Variants in KCNK2 observed in about 807,000 individuals in gnomAD.
The protein encoded by KCNK2 is potassium channel subfamily K member 2.
KCNK2 carries 21 observed loss-of-function variants against 40.5 expected under a neutral mutation model. The ratio of observed to expected loss-of-function variants is 0.52; its 90% confidence interval spans 0.37 to 0.75. The LOEUF (loss-of-function observed/expected upper bound fraction) is 0.75. Ranked by LOEUF, KCNK2 falls within the 30% of genes least tolerant of loss-of-function variation. KCNK2 has a pLI of 0.00. For missense variants in KCNK2, 399 were observed against 531.6 expected, an observed-to-expected ratio of 0.75 and a Z score of 2.45; for synonymous variants, 191 against 202.2, an observed-to-expected ratio of 0.94 and a Z score of 0.47.
intron 6 of KCNK2, among the ~76,000 whole-genome samples, chr1:215,223,417 T>A (rs1314119180): frequency 6.6e-6 from 1 of 152,036 alleles, no homozygotes; most frequent in East Asian, 1.9e-4. Context: ...TTATAGTCAG[T>A]TGAAGATTGC....
chr1:215,141,189 G>A (rs180897583), intron 3 of KCNK2, among the ~76,000 whole-genome samples: 40 of 151,870 alleles, frequency 2.6e-4, no homozygotes, highest in Middle Eastern at 3.4e-3. Flanking sequence ...TATCTATTAC[G>A]GTTAACGTTT....
intron 1 of KCNK2, among the ~76,000 whole-genome samples, chr1:215,069,655 C>A (rs926346208): frequency 7.4e-6 from 1 of 134,262 alleles, no homozygotes; most frequent in East Asian, 2.3e-4. Context: ...GTCTCATTAA[C>A]AAGTTGGGGT....
intron 1 of KCNK2, among the ~76,000 whole-genome samples, chr1:215,007,317 G>GT (rs1255182498): frequency 2.1e-5 from 3 of 145,034 alleles, no homozygotes; most frequent in Non-Finnish European, 4.5e-5. Flanking sequence ...CTTTGCTGAG[G>GT]GTTGATGGGT....
chr1:215,016,422 A>C (rs773469348), intron 1 of KCNK2, among the ~76,000 whole-genome samples: 6 of 152,178 alleles, frequency 3.9e-5, no homozygotes, highest in Non-Finnish European at 5.9e-5. Flanking sequence ...ACACCAATGG[A>C]ACAGAATAGA....
chr1:215,171,482 GACAGAAAAAA>G (rs1212689514), intron 4 of KCNK2, among the ~76,000 whole-genome samples: 5 of 151,982 alleles, frequency 3.3e-5, no homozygotes, highest in Non-Finnish European at 5.9e-5. Context: ...TGATGGAAGT[GACAGAAAAAA>G]ACTTTATGAA....
chr1:215,062,744 AG>A (rs1443243185), intron 1 of KCNK2, among the ~76,000 whole-genome samples: 8 of 151,926 alleles, frequency 5.3e-5, no homozygotes, highest in Admixed American at 2.6e-4. Flanking sequence ...TTTAAATTAA[AG>A]GCCTGCTTTT....
At position 215,161,101 on chromosome 1, in the gene KCNK2, G is replaced by A. The variant is rs370229715; in HGVS notation, c.476-8098G>A. 5.7e-4 allele frequency among the ~76,000 whole-genome samples: 87 copies of A among 152,118 alleles called. No individual in the cohort carries two copies. In the South Asian group the frequency reaches 0.017, roughly 31 times the overall value. ...TATAAACATCTTCCTCTTTATAGCC[G>A]GAATAAACATGTAATAGGATCCATC... is the stretch of plus-strand genomic sequence containing the variant. On this transcript the variant is annotated intron_variant, in intron 3 of 6. Transcript: ENST00000444842.
At chr1:215,220,993 T>C (rs1336590381) in intron 6 of KCNK2, among the ~76,000 whole-genome samples, 3 of 152,158 alleles carry the variant, frequency 2.0e-5, no homozygotes, top group Non-Finnish European at 4.4e-5. Flanking sequence ...AAATAACAAT[T>C]TACCCTTGAA....
chr1:215,026,427 T>A (rs1657002871), intron 1 of KCNK2, among the ~76,000 whole-genome samples: 1 of 152,044 alleles, frequency 6.6e-6, no homozygotes, highest in Admixed American at 6.6e-5. Flanking sequence ...ATCCATTGAT[T>A]TTTTTGTAAA....
intron 1 of KCNK2, among the ~76,000 whole-genome samples, chr1:215,054,900 A>G (rs61818272): frequency 6.6e-6 from 1 of 152,182 alleles, no homozygotes; most frequent in Non-Finnish European, 1.5e-5. Context: ...ACCAAATACT[A>G]TGAATGTTCA....
rs187296416 is a variant in KCNK2, at chr1:215,046,587, G to T, written c.35-39781G>T. Among the ~76,000 whole-genome samples, 91 of 152,046 alleles carry T rather than the reference G, an allele frequency of 6.0e-4. 2 individuals carry two copies. The East Asian group carries it at 0.014, about 23-fold the overall frequency. On this transcript the variant is annotated intron_variant, in intron 1 of 6. Transcript: ENST00000391895. ...CTGTTGTTAGAATAAACAGGTACAG[G>T]TTTTTTTGGATTATCACCATATTCA...
At chr1:215,209,972 T>TATATATTATATATAATATATA (rs1665637338) in intron 6 of KCNK2, among the ~76,000 whole-genome samples, 1 of 60,660 alleles carries the variant, frequency 1.6e-5, no homozygotes, top group African/African-American at 6.9e-5. Context: ...TTATATATAT[T>TATATATTATATATAATATATA]ATATATATTA....
At chr1:215,176,613 T>C (rs1663986851) in intron 5 of KCNK2, among the ~76,000 whole-genome samples, 1 of 152,184 alleles carries the variant, frequency 6.6e-6, no homozygotes, top group Non-Finnish European at 1.5e-5. Context: ...CTTGTGTTAG[T>C]TTGCTGAGGA....
chr1:215,198,550 A>G (rs1664960158), intron 6 of KCNK2, among the ~76,000 whole-genome samples: 3 of 152,184 alleles, frequency 2.0e-5, no homozygotes, highest in Admixed American at 2.0e-4. Flanking sequence ...ATAACTCACT[A>G]AAGGGTATAA....
upstream of KCNK2, among the ~76,000 whole-genome samples, chr1:215,081,165 ATGTGTGTGTGTGTG>A (rs34229936): frequency 2.4e-3 from 363 of 149,376 alleles, 3 homozygotes; most frequent in African/African-American, 8.4e-3. Context: ...GTACACGCAA[ATGTGTGTGTGTGTG>A]TGTGTGTGTG....
intron 2 of KCNK2, among the ~76,000 whole-genome samples, chr1:215,115,889 C>A (rs1011752172): frequency 6.6e-6 from 1 of 151,680 alleles, no homozygotes; most frequent in African/African-American, 2.4e-5. Flanking sequence ...AGGGAAATGC[C>A]GCTTCAGTGT....
chr1:215,177,359 T>G (rs1664020132), intron 5 of KCNK2, among the ~76,000 whole-genome samples: 1 of 152,146 alleles, frequency 6.6e-6, no homozygotes. Flanking sequence ...TTTAGTTTAA[T>G]TAGGTCCTAT....
chr1:215,174,110 C>T (rs1663845831), intron 5 of KCNK2, among the ~76,000 whole-genome samples: 1 of 152,052 alleles, frequency 6.6e-6, no homozygotes, highest in Non-Finnish European at 1.5e-5. Context: ...TTAGGTCTAA[C>T]ATTTAAGTCT....
intron 1 of KCNK2, among the ~76,000 whole-genome samples, chr1:215,044,133 G>T (rs1376571781): frequency 6.6e-6 from 1 of 152,098 alleles, no homozygotes; most frequent in Non-Finnish European, 1.5e-5. Flanking sequence ...ATAAATTAAT[G>T]AATATGGAAA....
Sources: allele counts gnomAD v4.1 joint callset (sites outside exome capture counted in the v4.1 genomes callset), GRCh38; gene constraint gnomAD v4.1.1; transcripts MANE v1.5; gene names NCBI Gene and HGNC (gene_info 2026-07-23, HGNC 2026-07-21).